Variants in MARCHF7 observed in about 807,000 individuals in gnomAD.
The protein encoded by MARCHF7 is membrane associated ring-CH-type finger 7, also known as E3 ubiquitin-protein ligase MARCHF7.
Under a neutral mutation model 76.5 loss-of-function variants are expected in MARCHF7, and 20 were observed. The ratio of observed to expected loss-of-function variants is 0.26; its 90% CI spans 0.18 to 0.38. MARCHF7 has a LOEUF of 0.38. Ranked by LOEUF, MARCHF7 falls within the 10% of genes least tolerant of loss-of-function variation. MARCHF7 has a pLI of 1.00. For missense variants in MARCHF7, 797 were observed against 812.9 expected, an observed-to-expected ratio of 0.98 and a Z score of 0.24; for synonymous variants, 295 against 293.0, an observed-to-expected ratio of 1.01 and a Z score of -0.07.
intron 6 of MARCHF7, 46 bp downstream of exon 6, chr2:159,745,983 T>G: frequency 6.7e-7 from 1 of 1,497,700 alleles, no homozygotes; most frequent in Non-Finnish European, 9.1e-7. Context: ...ATGTTCCATT[T>G]TCCTCTTTAT....
At chr2:159,740,115 T>G (rs1340077864) in intron 4 of MARCHF7, among the ~76,000 whole-genome samples, 1 of 152,256 alleles carries the variant, frequency 6.6e-6, no homozygotes, top group Non-Finnish European at 1.5e-5. Context: ...AATTGCCCTC[T>G]ATTCCCATTA....
At position 159,745,857 on chromosome 2, in the gene MARCHF7, A is replaced by AT; in HGVS notation, c.437dup (p.Leu146PhefsTer10). On this transcript the variant is annotated frameshift_variant, in exon 6 of 12. Coordinates refer to ENST00000409175, the MANE Select transcript of MARCHF7 (RefSeq NM_001282805.2). LOFTEE classifies it high-confidence loss of function. The stretch of plus-strand genomic sequence containing the variant: ...ACAGACTTAATGAGAGAGAGGAGAG[A>AT]TTTGGAGAGAAGAACAGATTCCTCT... The AT allele has an allele frequency of 6.2e-7, 1 of 1,612,996 alleles. No individual in the cohort carries two copies. Among genetic ancestry groups the AT allele is most frequent in the Non-Finnish European group, 8.5e-7 (1 of 1,179,278 alleles).
intron 3 of MARCHF7, among the ~76,000 whole-genome samples, chr2:159,725,537 T>G (rs927146527): frequency 6.6e-6 from 1 of 152,144 alleles, no homozygotes; most frequent in African/African-American, 2.4e-5. Context: ...GTTGTTTGAT[T>G]TTTTCTTACG....
Position 159,759,326 on chromosome 2 carries a change from A to C in MARCHF7, c.1884A>C (p.Ala628=). 1 of 1,590,670 alleles carries C rather than the reference A, an allele frequency of 6.3e-7. No individual in the cohort carries two copies. The highest frequency in any genetic ancestry group is 8.6e-7 in the Non-Finnish European group (1 of 1,161,522). Residue 628 remains alanine (A), a synonymous_variant, in exon 9 of 12, where the codon GCA becomes GCC. Coordinates refer to ENST00000409175, the MANE Select transcript of MARCHF7 (RefSeq NM_001282805.2). The part of the protein sequence containing the change: ...FDIHELHRAH[A]NEQAEYEFIS... ...TTCATGAACTACATAGAGCTCATGCAAATGAACAAGTTAGTATATTTTGCC... is the reference window on the plus strand; with the variant it reads ...TTCATGAACTACATAGAGCTCATGCCAATGAACAAGTTAGTATATTTTGCC...
intron 5 of MARCHF7, among the ~76,000 whole-genome samples, chr2:159,744,977 A>G (rs567024413): frequency 1.6e-4 from 24 of 152,378 alleles, no homozygotes; most frequent in Middle Eastern, 3.4e-3. Flanking sequence ...TAAGAATTCT[A>G]GAATAAAAAA....
chr2:159,750,517 CTG>C (rs1164282062), intron 7 of MARCHF7, among the ~76,000 whole-genome samples: 3 of 151,824 alleles, frequency 2.0e-5, no homozygotes, highest in Admixed American at 6.6e-5. Context: ...GAGCAAGACT[CTG>C]TCTCAAAATA....
At chr2:159,751,633 G>T (rs1335366754) in intron 7 of MARCHF7, among the ~76,000 whole-genome samples, 2 of 152,156 alleles carry the variant, frequency 1.3e-5, no homozygotes, top group African/African-American at 4.8e-5. Flanking sequence ...TCAGCATTCT[G>T]TATTACCAAT....
At chr2:159,767,230 C>G in intron 11 of MARCHF7, 54 bp from the exon 12 acceptor site, 4 of 1,274,244 alleles carry the variant, frequency 3.1e-6, no homozygotes, top group Non-Finnish European at 2.3e-6. Flanking sequence ...ATTTACACTT[C>G]CCATTCTTAT....
At chr2:159,732,269 C>G (rs897913300) in intron 4 of MARCHF7, among the ~76,000 whole-genome samples, 8 of 152,098 alleles carry the variant, frequency 5.3e-5, no homozygotes, top group African/African-American at 1.9e-4. Flanking sequence ...AAATTACTTG[C>G]AAACATCCAA....
At chr2:159,728,783 A>G (rs1359908256) in intron 3 of MARCHF7, among the ~76,000 whole-genome samples, 4 of 152,216 alleles carry the variant, frequency 2.6e-5, no homozygotes, top group African/African-American at 9.6e-5. Context: ...AGAGTTCTTC[A>G]TTCCACTTTT....
At chr2:159,740,004 A>G (rs908108287) in intron 4 of MARCHF7, among the ~76,000 whole-genome samples, 1 of 152,208 alleles carries the variant, frequency 6.6e-6, no homozygotes, top group Non-Finnish European at 1.5e-5. Flanking sequence ...AGTATTTTTA[A>G]TGAATGGCAT....
intron 9 of MARCHF7, among the ~76,000 whole-genome samples, chr2:159,762,555 AT>A (rs1167568246): frequency 3.7e-4 from 57 of 152,368 alleles, no homozygotes; most frequent in African/African-American, 1.3e-3. Flanking sequence ...TTAACTAAAT[AT>A]ATATAGCTAT....
At chr2:159,764,328 C>T (rs1277727292) in intron 10 of MARCHF7, among the ~76,000 whole-genome samples, 1 of 148,694 alleles carries the variant, frequency 6.7e-6, no homozygotes, top group African/African-American at 2.5e-5. Context: ...GTTTTTTTTC[C>T]TCCATTTCGT....
chr2:159,728,691 G>T (rs1702439842), intron 3 of MARCHF7, among the ~76,000 whole-genome samples: 1 of 152,136 alleles, frequency 6.6e-6, no homozygotes, highest in Admixed American at 6.5e-5. Flanking sequence ...TACCAAGAGA[G>T]TCAAGGACAA....
At position 159,770,210 on chromosome 2, in the gene MARCHF7, A is replaced by G. The variant is rs1370884858; in HGVS notation, c.*2868A>G. On this transcript the variant is annotated 3_prime_UTR_variant, in exon 12 of 12. Coordinates refer to ENST00000409175, the MANE Select transcript of MARCHF7 (RefSeq NM_001282805.2). ...GGCAGGAATTCCAGGGTAGTGTTCA[A>G]TATTGACATTAGTAATAGTCTATCA... 2 of 152,184 alleles carry G rather than the reference A, an allele frequency of 1.3e-5. No individual in the cohort carries two copies. Among genetic ancestry groups the G allele is most frequent in the African/African-American group, 4.8e-5 (2 of 41,430 alleles). 9.4% of individuals were successfully genotyped at this position (152,184 alleles called of 1,614,324 possible). A position where few individuals can be genotyped will look rare whatever the true frequency, so the allele number is the denominator to read the frequency against.
At chr2:159,722,020 T>C (rs1464279086) in intron 3 of MARCHF7, among the ~76,000 whole-genome samples, 1 of 152,228 alleles carries the variant, frequency 6.6e-6, no homozygotes, top group Non-Finnish European at 1.5e-5. Context: ...TCATTGACCA[T>C]TGAGGAAAGA....
At position 159,766,520 on chromosome 2, in the gene MARCHF7, TC is replaced by T. The variant is rs1476729057; in HGVS notation, c.2057-763del. ...TGTTTATTTTAGTGAGCTTGCATTT[TC>T]TTACACGTGCAAAGCAGTTCATAGA... On this transcript the variant is annotated intron_variant, in intron 11 of 11. Transcript: ENST00000409175. 5.3e-5 allele frequency among the ~76,000 whole-genome samples: 8 copies of T among 152,316 alleles called. No homozygotes were observed. The East Asian group carries it at 1.5e-3, about 29-fold the overall frequency.
In MARCHF7 at chr2:159,768,971, G is replaced by A. The variant is rs1248233426; in HGVS notation, c.*1629G>A. 2 of 152,076 alleles carry A rather than the reference G, an allele frequency of 1.3e-5. No individual in the cohort carries two copies. Among genetic ancestry groups the A allele is most frequent in the Non-Finnish European group, 2.9e-5 (2 of 67,998 alleles). 9.4% of individuals were successfully genotyped at this position (152,076 alleles called of 1,614,324 possible). A position where few individuals can be genotyped will look rare whatever the true frequency, so the allele number is the denominator to read the frequency against. ...AATGCTAAATGACAGTGATAACAATGGCTTAAGCTTTACAGTATTCTTGTA... is the reference window on the plus strand; with the variant it reads ...AATGCTAAATGACAGTGATAACAATAGCTTAAGCTTTACAGTATTCTTGTA... On this transcript the variant is annotated 3_prime_UTR_variant, in exon 12 of 12. Coordinates refer to ENST00000409175, the MANE Select transcript of MARCHF7 (RefSeq NM_001282805.2).
At chr2:159,761,662 C>G (rs1011651051) in intron 9 of MARCHF7, among the ~76,000 whole-genome samples, 6 of 150,258 alleles carry the variant, frequency 4.0e-5, no homozygotes, top group Admixed American at 1.3e-4. Flanking sequence ...TCCACCCACT[C>G]CAGCCTCCCA....
Sources: allele counts gnomAD v4.1 joint callset (sites outside exome capture counted in the v4.1 genomes callset), GRCh38; gene constraint gnomAD v4.1.1; transcripts MANE v1.5; gene names NCBI Gene and HGNC (gene_info 2026-07-23, HGNC 2026-07-21).